Variants in MPPED1 observed in about 807,000 individuals in gnomAD.
The protein encoded by MPPED1 is metallophosphoesterase domain containing 1.
MPPED1 carries 16 observed loss-of-function variants against 36.2 expected under a neutral mutation model. That is an observed-to-expected ratio of 0.44 (90% CI 0.30 to 0.67). The LOEUF (loss-of-function observed/expected upper bound fraction) is 0.67, where lower values mean the gene tolerates loss of function less well. Among genes scored for constraint, MPPED1 ranks in the 30% least tolerant of loss-of-function variants. The pLI is 0.10. For missense variants in MPPED1, 307 were observed against 453.4 expected, an observed-to-expected ratio of 0.68 and a Z score of 2.93; for synonymous variants, 199 against 191.3, an observed-to-expected ratio of 1.04 and a Z score of -0.33.
intron 3 of MPPED1, among the ~76,000 whole-genome samples, chr22:43,443,871 G>A (rs1212911047): frequency 1.3e-5 from 2 of 151,914 alleles, no homozygotes; most frequent in Non-Finnish European, 1.5e-5. Context: ...TGTCACCTCC[G>A]GCACTCTCTG....
chr22:43,451,794 G>A (rs1376248503), intron 3 of MPPED1, among the ~76,000 whole-genome samples: 2 of 152,320 alleles, frequency 1.3e-5, no homozygotes, highest in African/African-American at 2.4e-5. Flanking sequence ...GGCCTCTGGC[G>A]GGGACCCCAT....
At chr22:43,455,508 T>C (rs1024193598) in intron 3 of MPPED1, among the ~76,000 whole-genome samples, 2 of 152,190 alleles carry the variant, frequency 1.3e-5, no homozygotes, top group East Asian at 3.9e-4. Context: ...TGTCTCTAAA[T>C]GCCATCCCAT....
chr22:43,479,223 T>G (rs759501357), intron 4 of MPPED1, among the ~76,000 whole-genome samples: 9 of 152,172 alleles, frequency 5.9e-5, no homozygotes, highest in Non-Finnish European at 1.3e-4. Context: ...ATGTTCCAGA[T>G]TTTCCTTTTC....
chr22:43,443,575 G>A (rs1244674709), intron 3 of MPPED1, among the ~76,000 whole-genome samples: 1 of 152,076 alleles, frequency 6.6e-6, no homozygotes, highest in Non-Finnish European at 1.5e-5. Context: ...TATACTTAGG[G>A]CCTGGCAGCC....
intron 6 of MPPED1, among the ~76,000 whole-genome samples, chr22:43,503,903 C>G (rs1391805253): frequency 6.6e-6 from 1 of 152,162 alleles, no homozygotes; most frequent in East Asian, 1.9e-4. Flanking sequence ...CCTTCCTCCC[C>G]CAGCACCACG....
intron 4 of MPPED1, 121 bp downstream of exon 4, chr22:43,475,082 C>G: frequency 1.2e-6 from 1 of 830,330 alleles, no homozygotes; most frequent in Non-Finnish European, 1.9e-6. Context: ...AGGACTGAAT[C>G]TTGACCCCTT....
At chr22:43,490,324 C>G (rs1932043541) in intron 4 of MPPED1, among the ~76,000 whole-genome samples, 1 of 152,238 alleles carries the variant, frequency 6.6e-6, no homozygotes, top group African/African-American at 2.4e-5. Context: ...TCTGGTTCTT[C>G]ACCCAGCTCT....
At chr22:43,434,609 T>C (rs1363185865) in intron 2 of MPPED1, among the ~76,000 whole-genome samples, 2 of 152,222 alleles carry the variant, frequency 1.3e-5, no homozygotes, top group African/African-American at 4.8e-5. Context: ...GATGCCGTAC[T>C]AAAGCTTCAT....
intron 4 of MPPED1, among the ~76,000 whole-genome samples, chr22:43,495,522 A>AGGT (rs1282428347): frequency 1.4e-4 from 2 of 14,296 alleles, no homozygotes; most frequent in Non-Finnish European, 1.3e-4. Flanking sequence ...GTGGTGGTGG[A>AGGT]GGTGGTGGTG....
intron 1 of MPPED1, among the ~76,000 whole-genome samples, chr22:43,424,278 C>A (rs981230071): frequency 6.6e-5 from 10 of 152,160 alleles, no homozygotes; most frequent in Admixed American, 6.5e-4. Context: ...ACCTGCACTA[C>A]CATCCCTGAG....
chr22:43,422,393 G>C (rs1016280904), intron 1 of MPPED1, among the ~76,000 whole-genome samples: 8 of 152,184 alleles, frequency 5.3e-5, no homozygotes. Context: ...CCTGTGAGCT[G>C]TAGGCCTCCA....
Position 43,435,250 on chromosome 22 carries a change from T to A in MPPED1, c.406+35T>A, listed in dbSNP as rs1216811140. On this transcript the variant is annotated intron_variant, in intron 3 of 6. Coordinates refer to ENST00000443721, the MANE Select transcript of MPPED1 (RefSeq NM_001044370.2). ...TCCTGCCCCGGGCGGGCGGCTGTGC[T>A]GAGCAGGAAGGGGGCTCCCGCCAGC... is the stretch of plus-strand genomic sequence containing the variant. 3 of 1,574,992 alleles carry A rather than the reference T, an allele frequency of 1.9e-6. No individual in the cohort carries two copies. The Admixed American group carries it at 5.4e-5, about 28-fold the overall frequency.
At chr22:43,442,388 G>A (rs1490190385) in intron 3 of MPPED1, among the ~76,000 whole-genome samples, 2 of 151,722 alleles carry the variant, frequency 1.3e-5, no homozygotes, top group Non-Finnish European at 2.9e-5. Context: ...TCCCTTTCCT[G>A]ACTTGAGCAC....
intron 4 of MPPED1, among the ~76,000 whole-genome samples, chr22:43,494,295 C>T (rs1281797531): frequency 2.0e-5 from 3 of 152,226 alleles, no homozygotes; most frequent in Non-Finnish European, 2.9e-5. Context: ...CTGTCTCAGC[C>T]TCCCAAAGCA....
At chr22:43,450,819 C>T (rs566485702) in intron 3 of MPPED1, among the ~76,000 whole-genome samples, 9 of 152,198 alleles carry the variant, frequency 5.9e-5, no homozygotes, top group South Asian at 2.1e-4. Context: ...CTCTGCCTCC[C>T]GGGTTCAGAC....
At position 43,502,635 on chromosome 22, in the gene MPPED1, C is replaced by A. The variant is rs766335805; in HGVS notation, c.749-9C>A. On this transcript the variant is annotated splice_polypyrimidine_tract_variant and intron_variant, in intron 5 of 6. Coordinates refer to ENST00000443721, the MANE Select transcript of MPPED1 (RefSeq NM_001044370.2). This position sits in a 1 kb window ranked among gnomAD's most constrained non-coding sequence, Gnocchi z 5.5. ...GCGTCATGGCCTCCTGTTGTCTCCC[C>A]CATACCAGGCTTCCTGGACTGGGTC... 1 of 1,611,576 alleles carries A rather than the reference C, an allele frequency of 6.2e-7. No individual in the cohort carries two copies. The highest frequency in any genetic ancestry group is 1.3e-5 in the African/African-American group (1 of 75,022).
At chr22:43,432,919 AG>A (rs1270678632) in intron 2 of MPPED1, among the ~76,000 whole-genome samples, 1 of 79,954 alleles carries the variant, frequency 1.3e-5, no homozygotes, top group African/African-American at 3.2e-5. Context: ...AGAGAAAGGG[AG>A]GAGAGAGAGA....
intron 4 of MPPED1, among the ~76,000 whole-genome samples, chr22:43,487,934 C>T (rs1985640219): frequency 6.6e-6 from 1 of 152,148 alleles, no homozygotes; most frequent in Non-Finnish European, 1.5e-5. Flanking sequence ...GAGGCTGATT[C>T]CTGGTCACAT....
Position 43,507,825 on chromosome 22 carries a change from A to C in MPPED1, c.*2209A>C, listed in dbSNP as rs961653598. 4 of 148,164 alleles carry C rather than the reference A, an allele frequency of 2.7e-5. No homozygotes were observed. Among genetic ancestry groups the C allele is most frequent in the Non-Finnish European group, 4.5e-5 (3 of 67,394 alleles). 9.2% of individuals were successfully genotyped at this position (148,164 alleles called of 1,614,324 possible). On this transcript the variant is annotated 3_prime_UTR_variant, in exon 7 of 7. Coordinates refer to ENST00000443721, the MANE Select transcript of MPPED1 (RefSeq NM_001044370.2). ...TTTTTTTTTGTCAAGCATGTCAGAC[A>C]ATAAAGTCTTTGTAAAAAGAGAAGT...
Sources: gnomAD v4.1 joint callset for allele counts (sites outside exome capture counted in the v4.1 genomes callset) on GRCh38, gnomAD v4.1.1 for gene constraint, Gnocchi (gnomAD v3.1) non-coding constraint, MANE v1.5 for transcripts, NCBI Gene and HGNC (gene_info 2026-07-23, HGNC 2026-07-21) for gene names.